APOBR: variants seen among roughly 807,000 people sequenced by gnomAD.
The protein encoded by APOBR is apoB-48R.
APOBR carries 57 observed loss-of-function variants against 88.5 expected under a neutral mutation model. The observed-to-expected ratio is 0.64, with a 90% confidence interval of 0.52 to 0.80. APOBR has a LOEUF of 0.80. Among genes scored for constraint, APOBR ranks in the 30% least tolerant of loss-of-function variants. The probability of loss-of-function intolerance (pLI) is 0.00; values close to 1 mark genes in which losing one functional copy is unlikely to be tolerated. For synonymous variants in APOBR, 588 were observed against 572.7 expected (o/e 1.03, Z -0.38); for missense variants, 1,443 against 1,401.6 (o/e 1.03, Z -0.47).
At position 28,498,741 on chromosome 16, in the gene APOBR, C is replaced by T. The variant is rs2046412768; in HGVS notation, c.*236C>T. ...GGACCACCTACCCCACTGAGACCAC[C>T]TCTCAGGGTGCCTGCCCTGGTTCCT... On this transcript the variant is annotated 3_prime_UTR_variant, in exon 4 of 4. Coordinates refer to ENST00000564831, the MANE Select transcript of APOBR (RefSeq NM_018690.4). 3 of 596,504 alleles carry T rather than the reference C, an allele frequency of 5.0e-6. No individual in the cohort carries two copies. The highest frequency in any genetic ancestry group is 8.9e-6 in the Non-Finnish European group (3 of 337,222). 37.0% of individuals were successfully genotyped at this position (596,504 alleles called of 1,614,324 possible). A position where few individuals can be genotyped will look rare whatever the true frequency, so the allele number is the denominator to read the frequency against.
rs2046379715 is a variant in APOBR, at chr16:28,495,241, T to C, written c.200T>C (p.Leu67Pro). 2.6e-6 allele frequency: 4 copies of C among 1,539,874 alleles called. No individual in the cohort carries two copies. The highest frequency in any genetic ancestry group is 3.5e-6 in the Non-Finnish European group (4 of 1,146,488). The stretch of plus-strand genomic sequence containing the variant: ...GTAGAGGAGGAAGCCCAGGAGGACC[T>C]GGAGGGCCTTAGAGGCAGCCAAAAC... ...KIVEEEAQED[L>P]EGLRGSQNEG... Residue 67 changes from leucine to proline, a missense_variant, in exon 2 of 4, where the codon CTG becomes CCG. By Grantham distance (98) the Leu-to-Pro change is moderately conservative. Coordinates refer to ENST00000564831, the MANE Select transcript of APOBR (RefSeq NM_018690.4).
chr16:28,495,124 A>C lies in APOBR; in HGVS notation c.83A>C (p.Tyr28Ser). ...GATTCCCTCGGCACCTTTGTCTCCT[A>C]CCTCCTGGGAGATGCAGTCCCCACT... The part of the protein sequence containing the change: ...ALDSLGTFVS[Y>S]LLGDAVPTVE... Residue 28 changes from tyrosine (Y) to serine (S), a missense_variant, in exon 2 of 4, where the codon TAC becomes TCC. Coordinates refer to ENST00000564831, the MANE Select transcript of APOBR (RefSeq NM_018690.4). The C allele has an allele frequency of 1.3e-6, 2 of 1,534,222 alleles. No individual in the cohort carries two copies. Among genetic ancestry groups the C allele is most frequent in the Non-Finnish European group, 1.7e-6 (2 of 1,144,066 alleles).
chr16:28,497,442 G>A lies in APOBR; in HGVS notation c.2401G>A (p.Gly801Arg). 1.2e-6 allele frequency: 2 copies of A among 1,613,962 alleles called. No homozygotes were observed. Among genetic ancestry groups the A allele is most frequent in the Non-Finnish European group, 1.7e-6 (2 of 1,179,870 alleles). ...DSKEKEEAAAGEHAGGQEFGL... is the reference protein window; with the variant it reads ...DSKEKEEAAAREHAGGQEFGL... ...GAAAGAAAAGGAAGAGGCAGCAGCAGGAGAGCATGCAGGTGGGCAAGAATT... is the reference window on the plus strand; with the variant it reads ...GAAAGAAAAGGAAGAGGCAGCAGCAAGAGAGCATGCAGGTGGGCAAGAATT... The change falls in exon 2 of 4, where the codon GGA (glycine) becomes AGA (arginine). Residue 801 changes from glycine (G) to arginine (R), a missense_variant. By Grantham distance (125) the Gly-to-Arg change is moderately radical. Coordinates refer to ENST00000564831, the MANE Select transcript of APOBR (RefSeq NM_018690.4).
At position 28,498,834 on chromosome 16, in the gene APOBR, G is replaced by C; in HGVS notation, c.*329G>C. ...ACGGGGGCTCACGCCTGTCACCCCA[G>C]AGCTTTGGGAGGCCAAGGTGGGAGG... On this transcript the variant is annotated 3_prime_UTR_variant, in exon 4 of 4. Coordinates refer to ENST00000564831, the MANE Select transcript of APOBR (RefSeq NM_018690.4). 1.8e-6 allele frequency: 1 copy of C among 569,708 alleles called. No individual in the cohort carries two copies. The highest frequency in any genetic ancestry group is 3.2e-6 in the Non-Finnish European group (1 of 310,744). 35.3% of individuals were successfully genotyped at this position (569,708 alleles called of 1,614,324 possible). A position where few individuals can be genotyped will look rare whatever the true frequency, so the allele number is the denominator to read the frequency against.
Position 28,496,360 on chromosome 16 carries a change from C to T in APOBR, c.1319C>T (p.Ala440Val), listed in dbSNP as rs1404215498. Residue 440 changes from alanine (A) to valine (V), a missense_variant, in exon 2 of 4, where the codon GCT (alanine) becomes GTT (valine). Coordinates refer to ENST00000564831, the MANE Select transcript of APOBR (RefSeq NM_018690.4). ...VLGTERTEEA[A>V]ESQTAGREAV... ...GGCACTGAAAGAACAGAAGAGGCTG[C>T]TGAGAGCCAGACCGCAGGGAGGGAA... The T allele has an allele frequency of 6.3e-7, 1 of 1,597,792 alleles. No homozygotes were observed. The highest frequency in any genetic ancestry group is 8.5e-7 in the Non-Finnish European group (1 of 1,172,170).
At position 28,496,609 on chromosome 16, in the gene APOBR, C is replaced by A. The variant is rs2046395021; in HGVS notation, c.1568C>A (p.Thr523Asn). 2 of 1,576,374 alleles carry A rather than the reference C, an allele frequency of 1.3e-6. No homozygotes were observed. The highest frequency in any genetic ancestry group is 1.7e-6 in the Non-Finnish European group (2 of 1,159,982). ...EAEGTADLEA[T>N]PEARPEEELT... ...GAAGGCACTGCCGACTTGGAGGCAA[C>A]TCCAGAGGCCAGGCCTGAGGAGGAG... Residue 523 changes from threonine (T) to asparagine (N), a missense_variant, in exon 2 of 4, where the codon ACT becomes AAT. Transcript: ENST00000564831.
At position 28,495,239 on chromosome 16, in the gene APOBR, C is replaced by T; in HGVS notation, c.198C>T (p.Asp66=). 1 of 1,539,764 alleles carries T rather than the reference C, an allele frequency of 6.5e-7. No individual in the cohort carries two copies. Among genetic ancestry groups the T allele is most frequent in the Non-Finnish European group, 8.7e-7 (1 of 1,146,432 alleles). The change falls in exon 2 of 4, where the codon GAC becomes GAT. Residue 66 remains aspartate, a synonymous_variant. Coordinates refer to ENST00000564831, the MANE Select transcript of APOBR (RefSeq NM_018690.4). ...TTGTAGAGGAGGAAGCCCAGGAGGA[C>T]CTGGAGGGCCTTAGAGGCAGCCAAA... ...GKIVEEEAQE[D]LEGLRGSQNE...
Position 28,498,261 on chromosome 16 carries a change from C to T in APOBR, c.3136C>T (p.Pro1046Ser), listed in dbSNP as rs373812590. The T allele has an allele frequency of 3.1e-5, 49 of 1,606,084 alleles. No individual in the cohort carries two copies. In the Admixed American group the frequency reaches 4.9e-4, roughly 16 times the overall value. Residue 1046 changes from proline to serine, a missense_variant, in exon 3 of 4, where the codon CCC (proline) becomes TCC (serine). By Grantham distance (74) the Pro-to-Ser change is moderately conservative. Transcript: ENST00000564831. The part of the protein sequence containing the change: ...EEELSAPEQR[P>S]LQLEEPLEPS... ...GGAGCTGTCAGCTCCTGAGCAGAGA[C>T]CCCTCCAGCTGGAGGAACCCCTGGA...
At position 28,497,248 on chromosome 16, in the gene APOBR, C is replaced by A; in HGVS notation, c.2207C>A (p.Ser736Tyr). The change falls in exon 2 of 4, where the codon TCC becomes TAC. Residue 736 changes from serine to tyrosine, a missense_variant. Transcript: ENST00000564831. ...EDEEAEADRT[S>Y]RRGWRLQAVA... ...GAGGAGGCGGAGGCTGACAGAACAT[C>A]CAGAAGAGGCTGGAGGCTGCAAGCG... is the stretch of plus-strand genomic sequence containing the variant. The A allele has an allele frequency of 6.3e-7, 1 of 1,591,250 alleles. No homozygotes were observed. The highest frequency in any genetic ancestry group is 1.8e-5 in the Admixed American group (1 of 55,200).
Position 28,497,757 on chromosome 16 carries a change from G to A in APOBR, c.2716G>A (p.Asp906Asn). Reference protein sequence around the residue: ...QREDSEGRCGDYHPEGEAPRL... With the variant: ...QREDSEGRCGNYHPEGEAPRL... ...GGAAGACAGTGAGGGGCGGTGTGGGGACTACCACCCTGAGGGAGAGGCACC... is the reference window on the plus strand; with the variant it reads ...GGAAGACAGTGAGGGGCGGTGTGGGAACTACCACCCTGAGGGAGAGGCACC... The change falls in exon 2 of 4, where the codon GAC (aspartate) becomes AAC (asparagine). Residue 906 changes from aspartate to asparagine, a missense_variant. Transcript: ENST00000564831. 1 of 1,604,060 alleles carries A rather than the reference G, an allele frequency of 6.2e-7. No individual in the cohort carries two copies. The highest frequency in any genetic ancestry group is 8.5e-7 in the Non-Finnish European group (1 of 1,175,522).
At position 28,496,035 on chromosome 16, in the gene APOBR, TCGG is replaced by T. The variant is rs2046388785; in HGVS notation, c.995_997del (p.Ser332_Gly333delinsTer). On this transcript the variant is annotated stop_gained and inframe_deletion, in exon 2 of 4. Coordinates refer to ENST00000564831, the MANE Select transcript of APOBR (RefSeq NM_018690.4). LOFTEE classifies it high-confidence loss of function. Reference sequence around the variant, plus strand: ...AGGCGGGGAGGAGGCCGGGACAGCCTCGGGAGGGGAGGAGGCCGGGATAGCCTC... The same window carrying T: ...AGGCGGGGAGGAGGCCGGGACAGCCTGAGGGGAGGAGGCCGGGATAGCCTC... 1 of 1,569,242 alleles carries T rather than the reference TCGG, an allele frequency of 6.4e-7. No homozygotes were observed. The highest frequency in any genetic ancestry group is 1.4e-5 in the African/African-American group (1 of 70,658).
chr16:28,495,714 GAGCAGGGGGTCAGGGAGGCAGATGC>G lies in APOBR; in HGVS notation c.676_700del (p.Gln226GlyfsTer18). The G allele has an allele frequency of 6.5e-7, 1 of 1,531,180 alleles. No homozygotes were observed. Among genetic ancestry groups the G allele is most frequent in the Non-Finnish European group, 8.8e-7 (1 of 1,136,600 alleles). 94.8% of individuals were successfully genotyped at this position (1,531,180 alleles called of 1,614,324 possible). A position where few individuals can be genotyped will look rare whatever the true frequency, so the allele number is the denominator to read the frequency against. On this transcript the variant is annotated frameshift_variant, in exon 2 of 4. Transcript: ENST00000564831. LOFTEE classifies it high-confidence loss of function. ...GGCGGCAGGGGACAACCGGGAGATG[GAGCAGGGGGTCAGGGAGGCAGATGC>G]AGGGGAAACTGAGGAGCCTGGGGCC...
chr16:28,495,259 G>A lies in APOBR; in HGVS notation c.218G>A (p.Ser73Asn). 6.5e-7 allele frequency: 1 copy of A among 1,527,798 alleles called. No individual in the cohort carries two copies. Among genetic ancestry groups the A allele is most frequent in the Non-Finnish European group, 8.8e-7 (1 of 1,139,600 alleles). The allele number at this position is 1,527,798 out of a possible 1,614,324, so 94.6% of individuals were successfully genotyped here. Residue 73 changes from serine to asparagine, a missense_variant, in exon 2 of 4, where the codon AGC becomes AAC. Transcript: ENST00000564831. Reference sequence around the variant, plus strand: ...GAGGACCTGGAGGGCCTTAGAGGCAGCCAAAACGAGGGGGCTGGAAGGCTG... The same window carrying A: ...GAGGACCTGGAGGGCCTTAGAGGCAACCAAAACGAGGGGGCTGGAAGGCTG... ...AQEDLEGLRGSQNEGAGRLRG... is the reference protein window; with the variant it reads ...AQEDLEGLRGNQNEGAGRLRG...
In APOBR at chr16:28,497,347, T is replaced by G; in HGVS notation, c.2306T>G (p.Val769Gly). The stretch of plus-strand genomic sequence containing the variant: ...GCTGCTGGGATTATGGGGGGTGATG[T>G]GGTCCCACACATCAGCGCTGCTGGC... ...SVAAGIMGGD[V>G]VPHISAAGAG... Residue 769 changes from valine to glycine, a missense_variant, in exon 2 of 4, where the codon GTG becomes GGG. By Grantham distance (109) the Val-to-Gly change is moderately radical. Transcript: ENST00000564831. The G allele has an allele frequency of 6.2e-7, 1 of 1,608,084 alleles. No homozygotes were observed. The highest frequency in any genetic ancestry group is 1.3e-5 in the African/African-American group (1 of 74,942).
chr16:28,497,829 G>T lies in APOBR; in HGVS notation c.2788G>T (p.Ala930Ser). The T allele has an allele frequency of 6.2e-7, 1 of 1,608,796 alleles. No homozygotes were observed. Among genetic ancestry groups the T allele is most frequent in the African/African-American group, 1.3e-5 (1 of 74,978 alleles). Residue 930 changes from alanine (A) to serine (S), a missense_variant, in exon 2 of 4, where the codon GCA becomes TCA. Coordinates refer to ENST00000564831, the MANE Select transcript of APOBR (RefSeq NM_018690.4). Reference sequence around the variant, plus strand: ...TCTCATGGTGACCGGGGGCCGGAGGGCAGAGGCCAAGGAGACTGAGCCAGA... The same window carrying T: ...TCTCATGGTGACCGGGGGCCGGAGGTCAGAGGCCAAGGAGACTGAGCCAGA... ...EGLMVTGGRR[A>S]EAKETEPESL...
rs552519151 is a variant in APOBR, at chr16:28,498,388, C to T, written c.3224+39C>T. The T allele has an allele frequency of 5.2e-5, 83 of 1,598,158 alleles. No individual in the cohort carries two copies. The Admixed American group carries it at 8.1e-4, about 16-fold the overall frequency. The stretch of plus-strand genomic sequence containing the variant: ...AACTCAGCTGGGGTGGGGAAGAGAC[C>T]GCGGGCACCTGGGAACCTGTTCTCA... On this transcript the variant is annotated intron_variant, in intron 3 of 3. Transcript: ENST00000564831.
Position 28,498,467 on chromosome 16 carries a change from G to T in APOBR, c.3256G>T (p.Glu1086Ter). ...FGLAHPGMMQ[E>*]LQARLGRPKP... Reference sequence around the variant, plus strand: ...CCTCGCGCACCCTGGCATGATGCAGGAGCTGCAAGCCCGTCTGGGCCGGCC... The same window carrying T: ...CCTCGCGCACCCTGGCATGATGCAGTAGCTGCAAGCCCGTCTGGGCCGGCC... Residue 1086 changes from glutamate (E) to a stop codon, truncating the protein, a stop_gained, in exon 4 of 4, where the codon GAG becomes TAG. Transcript: ENST00000564831. LOFTEE classifies it high-confidence loss of function. 6.2e-7 allele frequency: 1 copy of T among 1,603,608 alleles called. No homozygotes were observed. Among genetic ancestry groups the T allele is most frequent in the East Asian group, 2.2e-5 (1 of 44,466 alleles).
rs1345903959 is a variant in APOBR at position 28,497,198 on chromosome 16, G to A, written c.2157G>A (p.Glu719=). ...ADAGPCPSLG[E]AYARETEDEE... is the part of the protein sequence containing the mutation. Reference sequence around the variant, plus strand: ...CAGGGCCTTGCCCGTCACTGGGAGAGGCCTATGCCAGAGAAACTGAGGATG... The same window carrying A: ...CAGGGCCTTGCCCGTCACTGGGAGAAGCCTATGCCAGAGAAACTGAGGATG... Residue 719 remains glutamate, a synonymous_variant, in exon 2 of 4, where the codon GAG becomes GAA. Coordinates refer to ENST00000564831, the MANE Select transcript of APOBR (RefSeq NM_018690.4). 6.3e-7 allele frequency: 1 copy of A among 1,597,752 alleles called. No homozygotes were observed. The highest frequency in any genetic ancestry group is 2.3e-5 in the East Asian group (1 of 44,328).
Position 28,496,784 on chromosome 16 carries a change from G to T in APOBR, c.1743G>T (p.Glu581Asp). The T allele has an allele frequency of 1.3e-6, 2 of 1,571,768 alleles. No individual in the cohort carries two copies. Among genetic ancestry groups the T allele is most frequent in the East Asian group, 2.3e-5 (1 of 42,846 alleles). ...CAACTAAGCAACCCGAGGAAAGGGA[G>T]GCAGGGGAGGTGGAGCTCATGGGAG... ...QTPTKQPEER[E>D]AGEVELMGVL... The change falls in exon 2 of 4, where the codon GAG (glutamate) becomes GAT (aspartate). Residue 581 changes from glutamate (E) to aspartate (D), a missense_variant. By Grantham distance (45) the Glu-to-Asp change is conservative. Coordinates refer to ENST00000564831, the MANE Select transcript of APOBR (RefSeq NM_018690.4).
Sources: allele counts gnomAD v4.1 joint callset, GRCh38; gene constraint gnomAD v4.1.1; transcripts MANE v1.5; gene names NCBI Gene and HGNC (gene_info 2026-07-23, HGNC 2026-07-21).